COL25A1: variants seen among roughly 807,000 people sequenced by gnomAD.
The protein encoded by COL25A1 is collagen alpha-1(XXV) chain.
COL25A1 carries 103 observed loss-of-function variants against 128.4 expected under a neutral mutation model. That is an observed-to-expected ratio of 0.80 (90% CI 0.68 to 0.94). COL25A1 has a LOEUF of 0.94. COL25A1 is among the 40% of genes least tolerant of loss of function. COL25A1 has a pLI of 0.00. For synonymous variants in COL25A1, 279 were observed against 277.2 expected (o/e 1.01, Z -0.06); for missense variants, 745 against 840.0 (o/e 0.89, Z 1.40).
chr4:108,824,649 A>T (rs1366726818), intron 34 of COL25A1, among the ~76,000 whole-genome samples: 1 of 152,232 alleles, frequency 6.6e-6, no homozygotes, highest in African/African-American at 2.4e-5. Context: ...TGCCCATAAC[A>T]GGTGCTCATA....
At chr4:109,216,329 G>C (rs1218647729) in intron 3 of COL25A1, among the ~76,000 whole-genome samples, 3 of 151,818 alleles carry the variant, frequency 2.0e-5, no homozygotes, top group Admixed American at 2.0e-4. Context: ...AAGGAAGGAA[G>C]GGGGGGCAGT....
At chr4:108,948,261 T>C (rs9990985) in intron 8 of COL25A1, among the ~76,000 whole-genome samples, 6,623 of 152,244 alleles carry the variant, frequency 0.044, 373 homozygotes, top group African/African-American at 0.13. Flanking sequence ...GTATAATTTA[T>C]CTGTCTGAAT....
chr4:108,986,205 T>A (rs1753658552), intron 6 of COL25A1, among the ~76,000 whole-genome samples: 1 of 152,160 alleles, frequency 6.6e-6, no homozygotes, highest in African/African-American at 2.4e-5. Context: ...TACATACTTT[T>A]GTCAGATTAA....
chr4:109,066,784 T>C (rs1762488594), intron 3 of COL25A1, among the ~76,000 whole-genome samples: 1 of 152,090 alleles, frequency 6.6e-6, no homozygotes, highest in Non-Finnish European at 1.5e-5. Context: ...TGCCTCACTC[T>C]CCCATGTAGC....
At chr4:108,830,445 C>T (rs1339539673) in intron 32 of COL25A1, among the ~76,000 whole-genome samples, 1 of 152,164 alleles carries the variant, frequency 6.6e-6, no homozygotes, top group Non-Finnish European at 1.5e-5. Context: ...CTCCCTTTGC[C>T]GATTCTGACT....
At chr4:109,270,492 A>G (rs1560960058) in intron 3 of COL25A1, among the ~76,000 whole-genome samples, 3 of 152,196 alleles carry the variant, frequency 2.0e-5, no homozygotes. Context: ...AGAATAAAAT[A>G]CCTAGGAATC....
rs549823386 is a variant in COL25A1, at chr4:109,123,603, A to G, written c.368-73424T>C. Among the ~76,000 whole-genome samples, 435 of 152,276 alleles carry G rather than the reference A, an allele frequency of 2.9e-3. 4 individuals are homozygous for G. Among genetic ancestry groups the G allele is most frequent in the Non-Finnish European group, 3.6e-3 (242 of 68,004 alleles). On this transcript the variant is annotated intron_variant, in intron 3 of 37. Transcript: ENST00000399132. ...CTTCTCCCTAACAAAATATGTATGG[A>G]GTAATATGCTTATATTTGAACCAAA... is the stretch of plus-strand genomic sequence containing the variant.
chr4:109,266,113 C>G (rs1266622975), intron 3 of COL25A1, among the ~76,000 whole-genome samples: 1 of 152,176 alleles, frequency 6.6e-6, no homozygotes, highest in African/African-American at 2.4e-5. Context: ...TAGCTAACTT[C>G]TGCTACTTAA....
chr4:109,244,972 G>A (rs1780163304), intron 3 of COL25A1, among the ~76,000 whole-genome samples: 1 of 151,838 alleles, frequency 6.6e-6, no homozygotes, highest in Non-Finnish European at 1.5e-5. Flanking sequence ...TAATACACTG[G>A]ATAACTTTAA....
At chr4:108,983,241 G>A (rs993349739) in intron 6 of COL25A1, among the ~76,000 whole-genome samples, 2 of 152,038 alleles carry the variant, frequency 1.3e-5, no homozygotes, top group African/African-American at 4.8e-5. Flanking sequence ...CATGGTGAAA[G>A]ACTTGGAATC....
At chr4:108,973,666 C>T (rs1242779044) in intron 8 of COL25A1, among the ~76,000 whole-genome samples, 2 of 152,196 alleles carry the variant, frequency 1.3e-5, no homozygotes, top group African/African-American at 4.8e-5. Context: ...GTATGTCGAA[C>T]GGAGCCACTA....
chr4:109,120,929 A>G (rs1376755620), intron 3 of COL25A1, among the ~76,000 whole-genome samples: 2 of 152,164 alleles, frequency 1.3e-5, no homozygotes, highest in East Asian at 1.9e-4. Context: ...AAACTACAAA[A>G]CTCTGATGAA....
intron 5 of COL25A1, among the ~76,000 whole-genome samples, chr4:109,030,938 G>A (rs1287091402): frequency 2.6e-5 from 4 of 151,858 alleles, no homozygotes; most frequent in Non-Finnish European, 5.9e-5. Flanking sequence ...ACAGAGTTTC[G>A]CCATATTGCC....
chr4:109,148,610 T>C (rs1165772453), intron 3 of COL25A1, among the ~76,000 whole-genome samples: 2 of 152,164 alleles, frequency 1.3e-5, no homozygotes, highest in East Asian at 1.9e-4. Flanking sequence ...TCACTGCCAC[T>C]AGTCTTGCTC....
chr4:109,087,375 T>C (rs964282265), intron 3 of COL25A1, among the ~76,000 whole-genome samples: 9 of 152,214 alleles, frequency 5.9e-5, no homozygotes, highest in Non-Finnish European at 1.3e-4. Context: ...GAAATTTAAC[T>C]GCACCACCCA....
chr4:109,211,973 T>C (rs1457221849), intron 3 of COL25A1, among the ~76,000 whole-genome samples: 2 of 152,166 alleles, frequency 1.3e-5, no homozygotes, highest in Non-Finnish European at 2.9e-5. Flanking sequence ...TATTTCCTGA[T>C]TGCCCTTGGA....
chr4:109,252,691 C>A (rs923612973), intron 3 of COL25A1, among the ~76,000 whole-genome samples: 10 of 152,180 alleles, frequency 6.6e-5, no homozygotes, highest in Admixed American at 6.5e-4. Flanking sequence ...TGGATACAAC[C>A]CATGAATCAG....
At chr4:109,047,166 T>C (rs1030647632) in intron 5 of COL25A1, among the ~76,000 whole-genome samples, 5 of 152,164 alleles carry the variant, frequency 3.3e-5, no homozygotes, top group African/African-American at 1.2e-4. Context: ...GGGGGTATCA[T>C]TTCCATGATC....
intron 3 of COL25A1, among the ~76,000 whole-genome samples, chr4:109,241,929 C>T (rs1360186528): frequency 1.3e-5 from 2 of 151,312 alleles, no homozygotes; most frequent in African/African-American, 2.4e-5. Context: ...TTCTACTGCA[C>T]TTTTTTTTTA....
Sources: allele counts gnomAD v4.1 joint callset (sites outside exome capture counted in the v4.1 genomes callset), GRCh38; gene constraint gnomAD v4.1.1; transcripts MANE v1.5; gene names NCBI Gene and HGNC (gene_info 2026-07-23, HGNC 2026-07-21).